Variants in COG5 observed in about 807,000 individuals in gnomAD.
COG5 encodes the protein conserved oligomeric Golgi complex subunit 5.
A neutral mutation model predicts 110.4 loss-of-function variants in COG5; 86 were observed. The ratio of observed to expected loss-of-function variants is 0.78; its 90% CI spans 0.65 to 0.93. The LOEUF (loss-of-function observed/expected upper bound fraction) is 0.93, where lower values mean the gene tolerates loss of function less well. Ranked by LOEUF, COG5 falls within the 40% of genes least tolerant of loss-of-function variation. The pLI, the probability that COG5 is intolerant of heterozygous loss-of-function variation, is 0.00. For synonymous variants in COG5, 360 were observed against 334.6 expected (o/e 1.08, Z -0.83); for missense variants, 1,077 against 987.0 (o/e 1.09, Z -1.22).
At chr7:107,312,042 C>A (rs1364454278) in intron 11 of COG5, among the ~76,000 whole-genome samples, 2 of 151,866 alleles carry the variant, frequency 1.3e-5, no homozygotes, top group African/African-American at 4.8e-5. Flanking sequence ...TTCTGTGAAC[C>A]CATCCTAGCT....
In COG5 at chr7:107,435,710, G is replaced by T. The variant is rs77584110; in HGVS notation, c.539-23078C>A. Among the ~76,000 whole-genome samples the T allele has an allele frequency of 3.5e-4, 53 of 152,228 alleles. No individual in the cohort carries two copies. In the East Asian group the frequency reaches 9.6e-3, roughly 28 times the overall value. On this transcript the variant is annotated intron_variant, in intron 6 of 21. Transcript: ENST00000297135. The stretch of plus-strand genomic sequence containing the variant: ...TATATCACTGGCAGACATGTAAAAT[G>T]ATGCAGTTTCTGTGGAAAATGGTAT...
At chr7:107,385,499 T>C (rs750690578) in intron 7 of COG5, among the ~76,000 whole-genome samples, 11 of 152,204 alleles carry the variant, frequency 7.2e-5, no homozygotes, top group Non-Finnish European at 8.8e-5. Context: ...ATATAGCATA[T>C]ATACACAATT....
chr7:107,488,223 A>G (rs1190001303), intron 6 of COG5, among the ~76,000 whole-genome samples: 1 of 151,876 alleles, frequency 6.6e-6, no homozygotes, highest in Non-Finnish European at 1.5e-5. Context: ...CCTCTGTTAC[A>G]TTTTGGGTCC....
chr7:107,508,358 G>C (rs1799199794), intron 6 of COG5, among the ~76,000 whole-genome samples: 1 of 152,230 alleles, frequency 6.6e-6, no homozygotes, highest in Admixed American at 6.5e-5. Flanking sequence ...GCCCAGGCTT[G>C]ATTAGGTAAA....
intron 6 of COG5, among the ~76,000 whole-genome samples, chr7:107,446,569 G>C (rs1210074455): frequency 6.6e-6 from 1 of 152,170 alleles, no homozygotes; most frequent in Non-Finnish European, 1.5e-5. Flanking sequence ...TCATATTAGA[G>C]ATTTGACTTT....
chr7:107,506,757 C>A (rs1799042494), intron 6 of COG5, among the ~76,000 whole-genome samples: 1 of 152,140 alleles, frequency 6.6e-6, no homozygotes, highest in Non-Finnish European at 1.5e-5. Context: ...ACGCCCCTCC[C>A]AGTTGGCTCA....
At chr7:107,417,516 C>T (rs1792946607) in intron 6 of COG5, among the ~76,000 whole-genome samples, 1 of 152,082 alleles carries the variant, frequency 6.6e-6, no homozygotes, top group Non-Finnish European at 1.5e-5. Context: ...CTACTTTAAA[C>T]ATCTTTATAA....
chr7:107,547,416 A>G (rs997415030), intron 5 of COG5, among the ~76,000 whole-genome samples: 1 of 152,210 alleles, frequency 6.6e-6, no homozygotes, highest in Non-Finnish European at 1.5e-5. Flanking sequence ...CTAACATCAT[A>G]ATCAACAGTG....
chr7:107,381,384 A>G (rs1447318028), intron 7 of COG5, among the ~76,000 whole-genome samples: 4 of 152,234 alleles, frequency 2.6e-5, no homozygotes, highest in African/African-American at 9.6e-5. Context: ...TCTTTAGGTT[A>G]TATTTTTGTA....
At chr7:107,228,933 A>C (rs1562923066) in intron 19 of COG5, among the ~76,000 whole-genome samples, 2 of 152,190 alleles carry the variant, frequency 1.3e-5, no homozygotes, top group African/African-American at 4.8e-5. Context: ...CGATCATTTA[A>C]AGGACATACT....
intron 6 of COG5, among the ~76,000 whole-genome samples, chr7:107,502,761 AT>A: frequency 6.6e-6 from 1 of 152,234 alleles, no homozygotes; most frequent in East Asian, 1.9e-4. Flanking sequence ...TTCTCTAATG[AT>A]TAGGGATGTT....
At chr7:107,208,736 C>A (rs569563552) in intron 21 of COG5, 2 of 985,302 alleles carry the variant, frequency 2.0e-6, no homozygotes, top group Admixed American at 6.1e-5. Context: ...AGAGCAGGGT[C>A]CGAGCTAATC....
At chr7:107,302,574 A>C (rs545961641) in intron 11 of COG5, among the ~76,000 whole-genome samples, 6 of 152,208 alleles carry the variant, frequency 3.9e-5, no homozygotes, top group African/African-American at 1.4e-4. Context: ...ATTATCTCAG[A>C]GAAAACTTCT....
At chr7:107,444,203 T>C (rs1338789628) in intron 6 of COG5, among the ~76,000 whole-genome samples, 1 of 152,192 alleles carries the variant, frequency 6.6e-6, no homozygotes, top group African/African-American at 2.4e-5. Context: ...TATTCTATAT[T>C]ATCCTCTAGT....
At chr7:107,491,864 C>A (rs1170020177) in intron 6 of COG5, among the ~76,000 whole-genome samples, 1 of 152,012 alleles carries the variant, frequency 6.6e-6, no homozygotes, top group Non-Finnish European at 1.5e-5. Flanking sequence ...GATGAAGAAA[C>A]AGACTCACCC....
At chr7:107,405,017 C>A (rs1791722476) in intron 7 of COG5, among the ~76,000 whole-genome samples, 1 of 151,218 alleles carries the variant, frequency 6.6e-6, no homozygotes, top group African/African-American at 2.4e-5. Flanking sequence ...ATTCCCTTTT[C>A]AATACAAATT....
chr7:107,515,157 T>C (rs1030106909), intron 6 of COG5, among the ~76,000 whole-genome samples: 1 of 152,224 alleles, frequency 6.6e-6, no homozygotes, highest in African/African-American at 2.4e-5. Context: ...AGGTATGGTC[T>C]GGTTACTTTA....
chr7:107,221,948 ATTTTTCTT>A (rs1272353694), intron 19 of COG5, among the ~76,000 whole-genome samples: 1 of 152,018 alleles, frequency 6.6e-6, no homozygotes, highest in Non-Finnish European at 1.5e-5. Flanking sequence ...GAATATTTAC[ATTTTTCTT>A]TTTTTCTTCC....
chr7:107,295,101 ATTTTT>A lies in COG5; in HGVS notation c.1313+3036_1313+3040del, dbSNP rs1186745330. Among the ~76,000 whole-genome samples the A allele has an allele frequency of 6.8e-4, 31 of 45,530 alleles. 1 individual carries two copies. The highest frequency in any genetic ancestry group is 2.1e-3 in the South Asian group (2 of 964). The allele number at this position is 45,530 out of a possible 152,430, so 29.9% of individuals were successfully genotyped here. On this transcript the variant is annotated intron_variant, in intron 12 of 21. Coordinates refer to ENST00000297135, the MANE Select transcript of COG5 (RefSeq NM_006348.5). ...TATATATATATATATATATATATAT[ATTTTT>A]TTTTTTTTTTTGTAGAGTCAGGATT...
Sources: allele counts gnomAD v4.1 joint callset (sites outside exome capture counted in the v4.1 genomes callset), GRCh38; gene constraint gnomAD v4.1.1; transcripts MANE v1.5; gene names NCBI Gene and HGNC (gene_info 2026-07-23, HGNC 2026-07-21).